The following ZBTB34 variants were observed in gnomAD, a reference collection of about 807,000 sequenced individuals.
ZBTB34 encodes zinc finger and BTB domain containing 34.
ZBTB34 carries 1 observed loss-of-function variant against 33.4 expected under a neutral mutation model. The observed-to-expected ratio is 0.03, with a 90% confidence interval of 0.01 to 0.14. ZBTB34 has a LOEUF of 0.14. Among genes scored for constraint, ZBTB34 ranks in the 10% least tolerant of loss-of-function variants. ZBTB34 has a pLI of 1.00. For synonymous variants in ZBTB34, 283 were observed against 253.5 expected, an observed-to-expected ratio of 1.12 and a Z score of -1.11; for missense variants, 406 against 657.2, an observed-to-expected ratio of 0.62 and a Z score of 4.18.
At chr9:126,883,927 C>G (rs886318280) in exon 2 of ZBTB34, 3 of 167,024 alleles carry the variant, frequency 1.8e-5, no homozygotes, top group Admixed American at 6.5e-5. Context: ...ACCACAGAAC[C>G]GAAACATTCT....
At chr9:126,866,972 A>C (rs1564220431) in intron 1 of ZBTB34, among the ~76,000 whole-genome samples, 2 of 151,676 alleles carry the variant, frequency 1.3e-5, no homozygotes. Flanking sequence ...GGAATGACAT[A>C]TATGCATACA....
At chr9:126,861,701 T>C (rs527741294) in intron 1 of ZBTB34, among the ~76,000 whole-genome samples, 40 of 152,362 alleles carry the variant, frequency 2.6e-4, no homozygotes, top group African/African-American at 9.6e-4. Flanking sequence ...CTTTTGTCCC[T>C]AGTAGTAGTT....
exon 2 of ZBTB34, chr9:126,884,944 C>T (rs1456243003): frequency 2.4e-5 from 4 of 166,948 alleles, no homozygotes; most frequent in Non-Finnish European, 4.4e-5. Context: ...GGCACATGCC[C>T]CTTGAATGGT....
At chr9:126,872,246 C>T (rs763033069) in intron 1 of ZBTB34, among the ~76,000 whole-genome samples, 4 of 152,136 alleles carry the variant, frequency 2.6e-5, no homozygotes, top group South Asian at 2.1e-4. Flanking sequence ...CCACCGCGCC[C>T]GGCCTACAAA....
At chr9:126,868,520 C>A (rs1023148075) in intron 1 of ZBTB34, among the ~76,000 whole-genome samples, 1 of 152,144 alleles carries the variant, frequency 6.6e-6, no homozygotes, top group Admixed American at 6.5e-5. Context: ...CTCTGGTTGC[C>A]CAGCCGGCCA....
At chr9:126,883,816 T>A (rs2033479151) in exon 2 of ZBTB34, 1 of 167,156 alleles carries the variant, frequency 6.0e-6, no homozygotes, top group Non-Finnish European at 1.5e-5. Flanking sequence ...ACTGTCATGC[T>A]TCCCAGGGGT....
exon 2 of ZBTB34, chr9:126,882,081 C>G (rs969177054): frequency 3.0e-5 from 5 of 167,010 alleles, no homozygotes; most frequent in Non-Finnish European, 5.9e-5. Flanking sequence ...AAGCTATACT[C>G]TATGGGAATT....
chr9:126,872,341 G>C (rs1458244879), intron 1 of ZBTB34, among the ~76,000 whole-genome samples: 2 of 152,182 alleles, frequency 1.3e-5, no homozygotes, highest in Non-Finnish European at 2.9e-5. Context: ...TTGGGCCTAG[G>C]AGGTTGAGGC....
exon 2 of ZBTB34, chr9:126,882,242 T>C (rs1458990003): frequency 2.4e-5 from 4 of 167,120 alleles, no homozygotes; most frequent in Non-Finnish European, 5.9e-5. Context: ...CACCATTTTT[T>C]GGTCATGTGG....
chr9:126,876,139 CT>C (rs35897421), intron 1 of ZBTB34, among the ~76,000 whole-genome samples: 13,851 of 65,796 alleles, frequency 0.21, 2,557 homozygotes, highest in African/African-American at 0.37. Context: ...ATCATGTTTC[CT>C]TTTTTTTTTT....
chr9:126,882,850 C>T (rs913737113), exon 2 of ZBTB34: 2 of 166,994 alleles, frequency 1.2e-5, no homozygotes, highest in African/African-American at 4.8e-5. Flanking sequence ...TGTGTAATAG[C>T]CCCCAGGGGT....
chr9:126,880,493 C>T lies in ZBTB34; in HGVS notation c.1094C>T (p.Ala365Val), dbSNP rs750043466. ...GAGAGCAGTCCCCGGGAGAGGAGTG[C>T]GAGAGGGCATTGGTACCCGTACAAT... is the stretch of plus-strand genomic sequence containing the variant. The change falls in exon 2 of 2, where the codon GCG (alanine) becomes GTG (valine). Residue 365 changes from alanine to valine, a missense_variant. Ala to Val is a moderately conservative substitution (Grantham distance 64). This residue lies in a region of ZBTB34 where 123 missense variants were observed against 140.4 expected (regional missense o/e 0.88). Coordinates refer to ENST00000319119, the Ensembl canonical transcript of ZBTB34. The surrounding 1 kb of genome is among the most constrained non-coding windows in gnomAD (Gnocchi z 6.7). 5 of 1,613,558 alleles carry T rather than the reference C, an allele frequency of 3.1e-6. No homozygotes were observed. Among genetic ancestry groups the T allele is most frequent in the Admixed American group, 3.3e-5 (2 of 59,974 alleles).
intron 1 of ZBTB34, among the ~76,000 whole-genome samples, chr9:126,865,990 A>G (rs543410867): frequency 1.3e-5 from 2 of 152,312 alleles, no homozygotes; most frequent in South Asian, 4.1e-4. Flanking sequence ...TCTCAAAACA[A>G]AACAAAAACA....
chr9:126,882,068 G>A (rs1484128637), exon 2 of ZBTB34: 2 of 166,680 alleles, frequency 1.2e-5, no homozygotes, highest in South Asian at 2.1e-4. Flanking sequence ...TGTACTTTTT[G>A]TAAAGCTATA....
At chr9:126,866,337 G>A (rs1028642993) in intron 1 of ZBTB34, among the ~76,000 whole-genome samples, 1 of 152,052 alleles carries the variant, frequency 6.6e-6, no homozygotes, top group African/African-American at 2.4e-5. Flanking sequence ...AGGTGCTGCC[G>A]CCAGAATTCT....
chr9:126,871,318 G>GA (rs959003929), intron 1 of ZBTB34, among the ~76,000 whole-genome samples: 5 of 150,614 alleles, frequency 3.3e-5, no homozygotes, highest in African/African-American at 9.7e-5. Flanking sequence ...TATGAAGTTA[G>GA]AAAAAAATAG....
At chr9:126,877,585 G>A (rs1485971510) in intron 1 of ZBTB34, among the ~76,000 whole-genome samples, 1 of 152,214 alleles carries the variant, frequency 6.6e-6, no homozygotes, top group Non-Finnish European at 1.5e-5. Flanking sequence ...TGGCGCTGCA[G>A]ATTTTAGGCC....
chr9:126,880,282 C>G lies in ZBTB34; in HGVS notation c.883C>G (p.Gln295Glu). Residue 295 changes from glutamine to glutamate, a missense_variant, in exon 2 of 2, where the codon CAG becomes GAG. By Grantham distance (29) the Gln-to-Glu change is conservative (BLOSUM62 2). Coordinates refer to ENST00000319119, the Ensembl canonical transcript of ZBTB34. The surrounding 1 kb of genome is among the most constrained non-coding windows in gnomAD (Gnocchi z 6.7). ...ATACTCCTATTCCCAAGCAGCCTCA[C>G]AGCCAACCAATGTATCAGAAGCTTT... 6.2e-7 allele frequency: 1 copy of G among 1,613,992 alleles called. No homozygotes were observed. Among genetic ancestry groups the G allele is most frequent in the Non-Finnish European group, 8.5e-7 (1 of 1,179,906 alleles).
exon 2 of ZBTB34, chr9:126,884,632 C>T (rs1204337375): frequency 6.0e-6 from 1 of 166,980 alleles, no homozygotes; most frequent in East Asian, 1.9e-4. Context: ...CTTTGTTTTT[C>T]CCTTAGCCCA....
Sources: gnomAD v4.1 joint callset for allele counts (sites outside exome capture counted in the v4.1 genomes callset) on GRCh38, gnomAD v4.1.1 for gene constraint, gnomAD v4.1.1 regional missense constraint, Gnocchi (gnomAD v3.1) non-coding constraint, MANE v1.5 for transcripts, NCBI Gene and HGNC (gene_info 2026-07-23, HGNC 2026-07-21) for gene names.